The following PTPN3 variants were observed in gnomAD, a reference collection of about 807,000 sequenced individuals.
PTPN3 encodes tyrosine-protein phosphatase non-receptor type 3.
In PTPN3, 96 loss-of-function variants were observed where a neutral mutation model predicts 132.7. The ratio of observed to expected loss-of-function variants is 0.72; its 90% CI spans 0.61 to 0.86. PTPN3 has a LOEUF of 0.86. Ranked by LOEUF, PTPN3 falls within the 40% of genes least tolerant of loss-of-function variation. The pLI, the probability that PTPN3 is intolerant of heterozygous loss-of-function variation, is 0.00. For synonymous variants in PTPN3, 398 were observed against 429.0 expected, an observed-to-expected ratio of 0.93 and a Z score of 0.89; for missense variants, 1,125 against 1,159.6, an observed-to-expected ratio of 0.97 and a Z score of 0.43.
At chr9:109,440,304 G>A (rs760444419) in intron 7 of PTPN3, among the ~76,000 whole-genome samples, 1 of 152,252 alleles carries the variant, frequency 6.6e-6, no homozygotes, top group Non-Finnish European at 1.5e-5. Flanking sequence ...TATGTGGCTG[G>A]TGAGTTTGTG....
At chr9:109,445,329 A>G (rs1844777943) in intron 6 of PTPN3, 37 bp from the exon 7 acceptor site, 2 of 1,558,210 alleles carry the variant, frequency 1.3e-6, no homozygotes, top group African/African-American at 1.4e-5. Context: ...AGTCACAAGA[A>G]CCAACAACAG....
chr9:109,435,306 A>G (rs1274522451), intron 9 of PTPN3, among the ~76,000 whole-genome samples: 3 of 152,196 alleles, frequency 2.0e-5, no homozygotes, highest in Non-Finnish European at 4.4e-5. Flanking sequence ...GAACTCGGTG[A>G]CTAGTTCTGG....
intron 18 of PTPN3, 70 bp from the exon 19 acceptor site, chr9:109,404,678 A>G (rs1390792138): frequency 1.5e-6 from 2 of 1,343,266 alleles, no homozygotes; most frequent in Non-Finnish European, 1.9e-6. Flanking sequence ...CCTCAAACAA[A>G]TCACACCTAT....
intron 14 of PTPN3, among the ~76,000 whole-genome samples, chr9:109,411,976 G>T (rs944963311): frequency 2.0e-5 from 3 of 152,144 alleles, no homozygotes; most frequent in African/African-American, 7.2e-5. Flanking sequence ...CAAGTTTTCA[G>T]ATTGAAAAAG....
At chr9:109,516,489 A>G in the PTPN3 span, among the ~76,000 whole-genome samples, 2 of 152,274 alleles carry the variant, frequency 1.3e-5, no homozygotes, top group South Asian at 4.2e-4. Context: ...AAGGTGAACA[A>G]GCATATACAT....
At chr9:109,487,339 G>A (rs1215775922) in intron 1 of PTPN3, among the ~76,000 whole-genome samples, 1 of 152,222 alleles carries the variant, frequency 6.6e-6, no homozygotes, top group African/African-American at 2.4e-5. Flanking sequence ...AGAGCAGGGA[G>A]GGCCCCCCTG....
In PTPN3 at chr9:109,379,603, G is replaced by T; in HGVS notation, c.2695C>A (p.Leu899Ile). 1.9e-6 allele frequency: 3 copies of T among 1,614,114 alleles called. No individual in the cohort carries two copies. In the South Asian group the frequency reaches 3.3e-5, roughly 18 times the overall value. Reference protein sequence around the residue: ...SQYKFVCEAILRVYEEGLVQM... With the variant: ...SQYKFVCEAIIRVYEEGLVQM... ...ACTAAACCTTCTTCATACACACGAAGAATCGCTTCACACACAAACTTGTAC... is the reference window on the plus strand; with the variant it reads ...ACTAAACCTTCTTCATACACACGAATAATCGCTTCACACACAAACTTGTAC... The change falls in exon 26 of 26, where the codon CTT (leucine) becomes ATT (isoleucine). Residue 899 changes from leucine to isoleucine, a missense_variant. By Grantham distance (5) the Leu-to-Ile change is conservative. Transcript: ENST00000374541.
chr9:109,441,785 A>C (rs1037020654), intron 7 of PTPN3, among the ~76,000 whole-genome samples: 3 of 151,646 alleles, frequency 2.0e-5, no homozygotes, highest in Admixed American at 2.0e-4. Flanking sequence ...TCTGTTGCTC[A>C]GGCTGGTGTG....
chr9:109,476,528 T>C (rs1424986936), intron 1 of PTPN3, among the ~76,000 whole-genome samples: 1 of 152,198 alleles, frequency 6.6e-6, no homozygotes, highest in Non-Finnish European at 1.5e-5. Context: ...AATACAGAGA[T>C]AAAGACAACC....
At chr9:109,430,692 T>C (rs1252150063) in intron 10 of PTPN3, among the ~76,000 whole-genome samples, 1 of 152,126 alleles carries the variant, frequency 6.6e-6, no homozygotes, top group Non-Finnish European at 1.5e-5. Flanking sequence ...TGCATGGAAG[T>C]AAATCACTGT....
At chr9:109,502,838 G>A (rs751689593), upstream of PTPN3, among the ~76,000 whole-genome samples, 2 of 152,148 alleles carry the variant, frequency 1.3e-5, no homozygotes, top group Non-Finnish European at 2.9e-5. Flanking sequence ...CAAAATGGTT[G>A]AACATCGGTA....
intron 12 of PTPN3, among the ~76,000 whole-genome samples, chr9:109,423,766 A>T (rs1242182619): frequency 6.6e-6 from 1 of 152,164 alleles, no homozygotes; most frequent in Non-Finnish European, 1.5e-5. Context: ...GAAGCCTGTC[A>T]CCCTGTTAAA....
intron 9 of PTPN3, among the ~76,000 whole-genome samples, chr9:109,435,806 G>A (rs1041176914): frequency 9.2e-5 from 14 of 152,144 alleles, no homozygotes; most frequent in African/African-American, 3.4e-4. Flanking sequence ...TTTGCAAATG[G>A]AATAAAAATG....
Position 109,426,934 on chromosome 9 carries a change from T to G in PTPN3, c.1001+16A>C, listed in dbSNP as rs1395956514. 1 of 1,598,714 alleles carries G rather than the reference T, an allele frequency of 6.3e-7. No individual in the cohort carries two copies. Among genetic ancestry groups the G allele is most frequent in the Admixed American group, 1.7e-5 (1 of 59,918 alleles). On this transcript the variant is annotated intron_variant, in intron 12 of 25. Coordinates refer to ENST00000374541, the MANE Select transcript of PTPN3 (RefSeq NM_002829.4). ...ATCTCAGCCTAGTGTGGACACAGTC[T>G]TTACAGCACACTCACTTTTTGGTGT... is the stretch of plus-strand genomic sequence containing the variant.
chr9:109,417,149 T>C (rs1192703006), intron 14 of PTPN3, among the ~76,000 whole-genome samples: 1 of 152,106 alleles, frequency 6.6e-6, no homozygotes, highest in East Asian at 1.9e-4. Context: ...AACAAAAGAG[T>C]GCAGCCTACT....
At chr9:109,473,782 G>A (rs1404215665) in intron 1 of PTPN3, among the ~76,000 whole-genome samples, 1 of 152,082 alleles carries the variant, frequency 6.6e-6, no homozygotes. Context: ...TAAATATAGT[G>A]CTCCCCAGGA....
At position 109,481,294 on chromosome 9, in the gene PTPN3, A is replaced by G. The variant is rs564545857; in HGVS notation, c.-18+16925T>C. 2.0e-5 allele frequency among the ~76,000 whole-genome samples: 3 copies of G among 152,144 alleles called. No homozygotes were observed. The South Asian group carries it at 6.2e-4, about 32-fold the overall frequency. On this transcript the variant is annotated intron_variant, in intron 1 of 25. Transcript: ENST00000374541. ...ACACAGGTCTCAGTGATGGCCAACT[A>G]TAGATAAGCAAGAGAAATACATGAG...
chr9:109,428,505 G>A, intron 11 of PTPN3, 116 bp downstream of exon 11: 1 of 1,043,394 alleles, frequency 9.6e-7, no homozygotes, highest in South Asian at 1.7e-5. Context: ...CAGCTACTTG[G>A]GAGGCTGAGG....
In PTPN3 at chr9:109,410,310, A is replaced by G; in HGVS notation, c.1419T>C (p.Val473=). 1 of 1,614,150 alleles carries G rather than the reference A, an allele frequency of 6.2e-7. No homozygotes were observed. Among genetic ancestry groups the G allele is most frequent in the Non-Finnish European group, 8.5e-7 (1 of 1,180,018 alleles). The part of the protein sequence containing the change: ...NAPGSCSPDG[V]DQQLLDDFHR... ...GGAAGTCATCTAAGAGCTGCTGATC[A>G]ACGCCGTCAGGTGAGCAGGAGCCTG... The change falls in exon 15 of 26, where the codon GTT becomes GTC. Residue 473 remains valine, a synonymous_variant. Transcript: ENST00000374541.
Sources: gnomAD v4.1 joint callset for allele counts (sites outside exome capture counted in the v4.1 genomes callset) on GRCh38, gnomAD v4.1.1 for gene constraint, MANE v1.5 for transcripts, NCBI Gene and HGNC (gene_info 2026-07-23, HGNC 2026-07-21) for gene names.